The following NEGR1 variants were observed in gnomAD, a reference collection of about 807,000 sequenced individuals.
NEGR1 encodes IgLON family member 4.
Under a neutral mutation model 40.9 loss-of-function variants are expected in NEGR1, and 10 were observed. That is an observed-to-expected ratio of 0.24 (90% CI 0.15 to 0.42). NEGR1 has a LOEUF of 0.42. Ranked by LOEUF, NEGR1 falls within the 10% of genes least tolerant of loss-of-function variation. The pLI is 1.00. For synonymous variants in NEGR1, 185 were observed against 166.8 expected, an observed-to-expected ratio of 1.11 and a Z score of -0.84; for missense variants, 352 against 438.9, an observed-to-expected ratio of 0.80 and a Z score of 1.77.
At chr1:71,448,677 C>T (rs1163344667) in intron 6 of NEGR1, among the ~76,000 whole-genome samples, 1 of 152,070 alleles carries the variant, frequency 6.6e-6, no homozygotes, top group Non-Finnish European at 1.5e-5. Flanking sequence ...TGAGAACGAG[C>T]AGTAGGACAA....
chr1:71,648,971 CTAGT>C lies in NEGR1; in HGVS notation c.668-37829_668-37826del, dbSNP rs562997965. Among the ~76,000 whole-genome samples the C allele has an allele frequency of 1.9e-3, 290 of 152,122 alleles. 1 individual carries two copies. Among genetic ancestry groups the C allele is most frequent in the African/African-American group, 6.7e-3 (278 of 41,532 alleles). ...ATTTTCCAATGACTCCTTCTAAAGA[CTAGT>C]TAAATGCTTTCCCTGATCTTCTCAG... On this transcript the variant is annotated intron_variant, in intron 4 of 6. Coordinates refer to ENST00000357731, the MANE Select transcript of NEGR1 (RefSeq NM_173808.3).
intron 1 of NEGR1, among the ~76,000 whole-genome samples, chr1:72,251,395 A>C (rs1655083463): frequency 1.3e-5 from 2 of 152,230 alleles, no homozygotes; most frequent in Non-Finnish European, 2.9e-5. Context: ...ATAATTACAA[A>C]GTATTTCAGA....
chr1:72,054,746 T>A (rs1647095150), intron 1 of NEGR1, among the ~76,000 whole-genome samples: 1 of 151,224 alleles, frequency 6.6e-6, no homozygotes, highest in African/African-American at 2.4e-5. Context: ...ATACCACATT[T>A]TTTATACATA....
intron 1 of NEGR1, among the ~76,000 whole-genome samples, chr1:72,189,162 T>C (rs1557569956): frequency 6.6e-6 from 1 of 151,490 alleles, no homozygotes; most frequent in Non-Finnish European, 1.5e-5. Flanking sequence ...AATAAAAATC[T>C]CTTATTTTAT....
chr1:71,870,554 A>C (rs1557683322), intron 2 of NEGR1, among the ~76,000 whole-genome samples: 1 of 152,158 alleles, frequency 6.6e-6, no homozygotes, highest in East Asian at 1.9e-4. Context: ...CTTGCACTAC[A>C]ATTACAGCTT....
chr1:71,960,698 T>C (rs1646157861), intron 1 of NEGR1, among the ~76,000 whole-genome samples: 1 of 152,140 alleles, frequency 6.6e-6, no homozygotes, highest in Non-Finnish European at 1.5e-5. Context: ...AGGCTCAGAG[T>C]TAATCCGCAG....
intron 1 of NEGR1, among the ~76,000 whole-genome samples, chr1:71,981,594 G>A (rs926002257): frequency 1.3e-5 from 2 of 152,150 alleles, no homozygotes; most frequent in African/African-American, 4.8e-5. Flanking sequence ...AAGCAGCAGA[G>A]AACAACAGAG....
intron 1 of NEGR1, among the ~76,000 whole-genome samples, chr1:72,154,525 G>A (rs1651288810): frequency 6.6e-6 from 1 of 151,896 alleles, no homozygotes; most frequent in Admixed American, 6.6e-5. Context: ...ACGATTCTAG[G>A]AATGCCCAAT....
chr1:71,442,324 G>A (rs760894464), intron 6 of NEGR1, among the ~76,000 whole-genome samples: 7 of 145,012 alleles, frequency 4.8e-5, no homozygotes, highest in Non-Finnish European at 1.0e-4. Flanking sequence ...TAAATAATTG[G>A]ACATTTTCAG....
chr1:72,265,071 T>A (rs1655595970), intron 1 of NEGR1, among the ~76,000 whole-genome samples: 1 of 150,970 alleles, frequency 6.6e-6, no homozygotes, highest in Non-Finnish European at 1.5e-5. Flanking sequence ...TTCTAATTAA[T>A]CAAAGTTGAA....
intron 1 of NEGR1, among the ~76,000 whole-genome samples, chr1:72,231,310 C>T (rs1654356792): frequency 6.6e-6 from 1 of 151,976 alleles, no homozygotes; most frequent in South Asian, 2.1e-4. Flanking sequence ...TAAAAGTTGC[C>T]TCCTCTATTA....
chr1:71,656,682 A>G (rs932769108), intron 4 of NEGR1, among the ~76,000 whole-genome samples: 12 of 152,274 alleles, frequency 7.9e-5, no homozygotes, highest in South Asian at 4.1e-4. Flanking sequence ...TTACAGGCGT[A>G]AGCCACCGCG....
chr1:71,880,871 T>C (rs1332378651), intron 2 of NEGR1, among the ~76,000 whole-genome samples: 3 of 152,178 alleles, frequency 2.0e-5, no homozygotes, highest in South Asian at 2.1e-4. Flanking sequence ...TATTTAATCA[T>C]GAATATTGAT....
intron 3 of NEGR1, among the ~76,000 whole-genome samples, chr1:71,721,867 T>C (rs1654522118): frequency 6.6e-6 from 1 of 152,072 alleles, no homozygotes; most frequent in African/African-American, 2.4e-5. Context: ...GAGGCTTCCA[T>C]GTTAACATAG....
intron 4 of NEGR1, among the ~76,000 whole-genome samples, chr1:71,661,591 T>C (rs530373279): frequency 3.5e-4 from 54 of 152,212 alleles, no homozygotes; most frequent in Non-Finnish European, 7.3e-4. Flanking sequence ...CTAATCCCTA[T>C]GACAGTCTTG....
At chr1:71,468,442 A>T (rs1646760554) in intron 6 of NEGR1, 2 of 152,136 alleles carry the variant, frequency 1.3e-5, no homozygotes, top group Admixed American at 6.6e-5. Context: ...ATTACTAATG[A>T]TGGAGCTTGT....
At chr1:71,885,872 T>A (rs1325106619) in intron 2 of NEGR1, among the ~76,000 whole-genome samples, 1 of 152,178 alleles carries the variant, frequency 6.6e-6, no homozygotes, top group Non-Finnish European at 1.5e-5. Flanking sequence ...TAATAATCAG[T>A]ATGGAAATTT....
chr1:72,273,709 C>T (rs536522226), intron 1 of NEGR1, among the ~76,000 whole-genome samples: 1 of 151,704 alleles, frequency 6.6e-6, no homozygotes, highest in Non-Finnish European at 1.5e-5. Flanking sequence ...GCAAAAAGTA[C>T]ATTTTCTTCA....
chr1:71,430,854 G>A (rs955094648), intron 6 of NEGR1, among the ~76,000 whole-genome samples: 1 of 151,150 alleles, frequency 6.6e-6, no homozygotes, highest in East Asian at 2.0e-4. Context: ...CCGTCTCCCG[G>A]GTTCACGCCA....
Sources: allele counts gnomAD v4.1 joint callset (sites outside exome capture counted in the v4.1 genomes callset), GRCh38; gene constraint gnomAD v4.1.1; transcripts MANE v1.5; gene names NCBI Gene and HGNC (gene_info 2026-07-23, HGNC 2026-07-21).